The following RP1 variants were observed in gnomAD, a reference collection of about 807,000 sequenced individuals.
The protein encoded by RP1 is RP1 axonemal microtubule associated, also known as oxygen-regulated protein 1.
In RP1, 16 loss-of-function variants were observed where a neutral mutation model predicts 14.8. That is an observed-to-expected ratio of 1.08 (90% CI 0.73 to 1.65). RP1 has a LOEUF of 1.65. RP1 is among the 40% of genes most tolerant of loss of function. The pLI is 0.00. For missense variants in RP1, 2,631 were observed against 2,535.0 expected (o/e 1.04, Z -0.81); for synonymous variants, 876 against 883.6 (o/e 0.99, Z 0.15).
At chr8:54,701,393 TG>T in intron 13 of RP1, 1 of 1,021,976 alleles carries the variant, frequency 9.8e-7, no homozygotes, top group Non-Finnish European at 1.3e-6. Context: ...TTCCATAAAA[TG>T]AAGTAGACAC....
rs780191046 is a variant in RP1, at chr8:54,726,532, C to T, written c.2521+56C>T. ...GGTTTGTTTGCTGCATTATTTCTTCCTGTGGCCATTGCAGGAAGACTATTA... is the reference window on the plus strand; with the variant it reads ...GGTTTGTTTGCTGCATTATTTCTTCTTGTGGCCATTGCAGGAAGACTATTA... On this transcript the variant is annotated intron_variant, in intron 17 of 22. Coordinates refer to the RP1 transcript ENST00000636932. 5.6e-4 allele frequency: 834 copies of T among 1,484,864 alleles called. 2 individuals carry two copies. The highest frequency in any genetic ancestry group is 2.3e-3 in the South Asian group (172 of 74,418). 92.0% of individuals were successfully genotyped at this position (1,484,864 alleles called of 1,614,324 possible).
At position 54,627,416 on chromosome 8, in the gene RP1, C is replaced by CT. The variant is rs776306627; in HGVS notation, c.3536dup (p.Leu1179PhefsTer20). 3 of 1,614,170 alleles carry CT rather than the reference C, an allele frequency of 1.9e-6. No homozygotes were observed. Among genetic ancestry groups the CT allele is most frequent in the Non-Finnish European group, 2.5e-6 (3 of 1,179,984 alleles). Reference sequence around the variant, plus strand: ...TAGCTATCACAGAGGAAGCTGATGACTTGAAAGCTGCTGTTGCCAATTTAG... The same window carrying CT: ...TAGCTATCACAGAGGAAGCTGATGACTTTGAAAGCTGCTGTTGCCAATTTAG... On this transcript the variant is annotated frameshift_variant, in exon 4 of 4. Transcript: ENST00000220676. LOFTEE classifies it low-confidence loss of function (END_TRUNC).
chr8:54,604,684 G>A (rs1318473557), intron 1 of RP1, among the ~76,000 whole-genome samples: 1 of 152,140 alleles, frequency 6.6e-6, no homozygotes, highest in Non-Finnish European at 1.5e-5. Flanking sequence ...TTTTTTGGTT[G>A]ATAAGCTATT....
At chr8:54,841,973 C>G (rs1316212147) in intron 25 of RP1, among the ~76,000 whole-genome samples, 2 of 152,278 alleles carry the variant, frequency 1.3e-5, no homozygotes, top group South Asian at 2.1e-4. Flanking sequence ...AAAGTACCAT[C>G]ATATTTGAAA....
intron 22 of RP1, among the ~76,000 whole-genome samples, chr8:54,767,607 G>T (rs986265543): frequency 6.6e-6 from 1 of 152,064 alleles, no homozygotes; most frequent in Non-Finnish European, 1.5e-5. Flanking sequence ...TGATCCATCT[G>T]CCTTGGCCTC....
At chr8:54,839,174 G>A (rs986918635) in intron 25 of RP1, among the ~76,000 whole-genome samples, 3 of 152,082 alleles carry the variant, frequency 2.0e-5, no homozygotes, top group African/African-American at 7.2e-5. Flanking sequence ...TTGAACAGGT[G>A]GGTTTAAATG....
intron 24 of RP1, among the ~76,000 whole-genome samples, chr8:54,796,542 A>G (rs1201730669): frequency 1.3e-5 from 2 of 152,192 alleles, no homozygotes; most frequent in Non-Finnish European, 2.9e-5. Flanking sequence ...ATTCAATATG[A>G]CTGGTGGTGT....
upstream of RP1, among the ~76,000 whole-genome samples, chr8:54,613,294 C>T (rs1386658177): frequency 6.6e-6 from 1 of 152,168 alleles, no homozygotes; most frequent in Admixed American, 6.5e-5. Context: ...AAAAGGTATA[C>T]AAAATTATTA....
At chr8:54,759,756 T>G (rs1462323186) in intron 22 of RP1, among the ~76,000 whole-genome samples, 1 of 152,188 alleles carries the variant, frequency 6.6e-6, no homozygotes, top group Non-Finnish European at 1.5e-5. Flanking sequence ...TTCGGCTAGA[T>G]GGGCAATCAT....
chr8:54,805,342 T>C (rs1810822838), intron 24 of RP1, among the ~76,000 whole-genome samples: 2 of 152,234 alleles, frequency 1.3e-5, no homozygotes, highest in East Asian at 1.9e-4. Context: ...GTGTATATTA[T>C]GGCAGAATTA....
chr8:54,615,638 A>G (rs532762208), upstream of RP1, among the ~76,000 whole-genome samples: 4 of 152,352 alleles, frequency 2.6e-5, no homozygotes, highest in African/African-American at 7.2e-5. Context: ...GTGTACGTTC[A>G]CAGTCATTTC....
intron 24 of RP1, among the ~76,000 whole-genome samples, chr8:54,826,595 A>C (rs1811389726): frequency 7.4e-6 from 1 of 135,500 alleles, no homozygotes; most frequent in Non-Finnish European, 1.7e-5. Flanking sequence ...AAAATTGCAG[A>C]AATATTTTTT....
At chr8:54,784,466 G>A (rs1181867334) in intron 24 of RP1, among the ~76,000 whole-genome samples, 1 of 152,024 alleles carries the variant, frequency 6.6e-6, no homozygotes, top group Non-Finnish European at 1.5e-5. Context: ...CTTTGGTAGT[G>A]TTGGACATTT....
At chr8:54,721,457 A>T (rs1340887969) in intron 16 of RP1, among the ~76,000 whole-genome samples, 2 of 152,230 alleles carry the variant, frequency 1.3e-5, no homozygotes, top group East Asian at 3.8e-4. Context: ...GAGCACAGGG[A>T]GAAAACAGAA....
Position 54,603,446 on chromosome 8 carries a change from T to C in RP1, c.-12-17509T>C, listed in dbSNP as rs1339673667. ...TGCTGTTTTGGTTACTGTAGCCTTG[T>C]AGTATAGTTTGAAGTCAGGTAGCGT... On this transcript the variant is annotated intron_variant, in intron 1 of 22. Coordinates refer to the RP1 transcript ENST00000636932. Among the ~76,000 whole-genome samples, 22 of 152,316 alleles carry C rather than the reference T, an allele frequency of 1.4e-4. No individual in the cohort carries two copies. In the South Asian group the frequency reaches 2.7e-3, roughly 19 times the overall value.
chr8:54,624,960 A>C lies in RP1; in HGVS notation c.1078A>C (p.Asn360His), dbSNP rs180915324. 8.1e-6 allele frequency: 13 copies of C among 1,614,212 alleles called. No homozygotes were observed. The East Asian group carries it at 2.9e-4, about 36-fold the overall frequency. The change falls in exon 4 of 4, where the codon AAT (asparagine) becomes CAT (histidine). Residue 360 changes from asparagine (N) to histidine (H), a missense_variant. Coordinates refer to ENST00000220676, the MANE Select transcript of RP1 (RefSeq NM_006269.2). ...TACTGTCAGTAAAACTGGTCCTTCT[A>C]ATAATGATGAAAAGAGTGAGATGAG... ...TTTVSKTGPS[N>H]NDEKSEMSFP...
chr8:54,724,736 C>T (rs1396352629), intron 16 of RP1, among the ~76,000 whole-genome samples: 3 of 152,136 alleles, frequency 2.0e-5, no homozygotes, highest in East Asian at 1.9e-4. Flanking sequence ...CTCTACAGAG[C>T]GATAGGAACT....
intron 1 of RP1, among the ~76,000 whole-genome samples, chr8:54,606,538 G>A (rs1419009192): frequency 3.3e-5 from 5 of 152,106 alleles, no homozygotes; most frequent in Admixed American, 1.3e-4. Flanking sequence ...TGCTCTTCTC[G>A]AGGAGTATCT....
At chr8:54,776,780 C>T (rs149330564) in intron 23 of RP1, among the ~76,000 whole-genome samples, 1 of 152,262 alleles carries the variant, frequency 6.6e-6, no homozygotes, top group African/African-American at 2.4e-5. Flanking sequence ...CCTAGGGCAC[C>T]TGGAAAGAAT....
Sources: gnomAD v4.1 joint callset for allele counts (sites outside exome capture counted in the v4.1 genomes callset) on GRCh38, gnomAD v4.1.1 for gene constraint, MANE v1.5 for transcripts, NCBI Gene and HGNC (gene_info 2026-07-23, HGNC 2026-07-21) for gene names.